The following FGF14 variants were observed in gnomAD, a reference collection of about 807,000 sequenced individuals.
FGF14 encodes the protein fibroblast growth factor homologous factor 4.
FGF14 carries 5 observed loss-of-function variants against 25.5 expected under a neutral mutation model. That is an observed-to-expected ratio of 0.20 (90% CI 0.10 to 0.41). The LOEUF (loss-of-function observed/expected upper bound fraction) is 0.41. FGF14 is among the 10% of genes least tolerant of loss of function. The pLI, the probability that FGF14 is intolerant of heterozygous loss-of-function variation, is 1.00. For synonymous variants in FGF14, 138 were observed against 118.3 expected, an observed-to-expected ratio of 1.17 and a Z score of -1.08; for missense variants, 222 against 320.1, an observed-to-expected ratio of 0.69 and a Z score of 2.34.
chr13:102,124,149 G>T (rs1347049456), intron 1 of FGF14, among the ~76,000 whole-genome samples: 1 of 152,104 alleles, frequency 6.6e-6, no homozygotes. Flanking sequence ...GTGCTATAAA[G>T]AGGGGAAAGA....
At chr13:102,311,238 A>T (rs2055750402) in intron 1 of FGF14, among the ~76,000 whole-genome samples, 1 of 152,126 alleles carries the variant, frequency 6.6e-6, no homozygotes, top group South Asian at 2.1e-4. Context: ...CTTTTCTAAG[A>T]GGGTCATGAA....
rs2036406098 is a variant in FGF14 at position 101,739,515 on chromosome 13, A to C, written c.409-12705T>G. Among the ~76,000 whole-genome samples the C allele has an allele frequency of 1.3e-5, 2 of 152,312 alleles. 1 individual carries two copies. The highest frequency in any genetic ancestry group is 6.8e-3 in the Middle Eastern group (2 of 294). On this transcript the variant is annotated intron_variant, in intron 3 of 4. Coordinates refer to ENST00000376143, the MANE Select transcript of FGF14 (RefSeq NM_004115.4). Reference sequence around the variant, plus strand: ...TGGTAAGGAAAAGCATTGAATTCTGAACTGAGATCTGAAACACCAGTATGA... The same window carrying C: ...TGGTAAGGAAAAGCATTGAATTCTGCACTGAGATCTGAAACACCAGTATGA...
chr13:102,137,729 A>G (rs1195970921), intron 1 of FGF14, among the ~76,000 whole-genome samples: 1 of 152,164 alleles, frequency 6.6e-6, no homozygotes, highest in Admixed American at 6.5e-5. Flanking sequence ...CTGATAACAC[A>G]AACCTTGTGA....
chr13:102,169,143 C>T (rs1478434623), intron 1 of FGF14, among the ~76,000 whole-genome samples: 1 of 151,224 alleles, frequency 6.6e-6, no homozygotes, highest in Non-Finnish European at 1.5e-5. Context: ...CTAGATTACA[C>T]TAAAGGGCCT....
At chr13:101,862,155 G>C (rs1346513791) in intron 3 of FGF14, among the ~76,000 whole-genome samples, 2 of 152,090 alleles carry the variant, frequency 1.3e-5, no homozygotes, top group Non-Finnish European at 2.9e-5. Flanking sequence ...TCAGGAGTCA[G>C]GTGGATTCCA....
intron 1 of FGF14, among the ~76,000 whole-genome samples, chr13:102,057,414 C>T (rs1477465081): frequency 6.6e-6 from 1 of 152,110 alleles, no homozygotes; most frequent in African/African-American, 2.4e-5. Flanking sequence ...GGAATATGGT[C>T]TCCATTTGCA....
At chr13:102,201,079 C>A (rs1179184217) in intron 1 of FGF14, among the ~76,000 whole-genome samples, 1 of 119,304 alleles carries the variant, frequency 8.4e-6, no homozygotes, top group Non-Finnish European at 1.6e-5. Context: ...CCAGCTTGGG[C>A]GACAGAGCGA....
Position 101,858,152 on chromosome 13 carries a change from C to T in FGF14, c.408+10573G>A, listed in dbSNP as rs1440362516. The stretch of plus-strand genomic sequence containing the variant: ...AGAAATACCCCATATCTGTTCAGAG[C>T]CCAGGGTTCTCACAGTGCCTGACAG... On this transcript the variant is annotated intron_variant, in intron 3 of 4. Transcript: ENST00000376143. Among the ~76,000 whole-genome samples the T allele has an allele frequency of 3.3e-5, 5 of 151,340 alleles. No individual in the cohort carries two copies. In the East Asian group the frequency reaches 9.7e-4, roughly 29 times the overall value.
intron 3 of FGF14, among the ~76,000 whole-genome samples, chr13:101,857,662 C>G (rs911535236): frequency 3.3e-5 from 5 of 151,976 alleles, no homozygotes; most frequent in African/African-American, 1.2e-4. Flanking sequence ...GCATGGAACT[C>G]ACATCTGTAG....
At position 101,720,487 on chromosome 13, in the gene FGF14, A is replaced by T. The variant is rs2034893822; in HGVS notation, c.*2344T>A. ...CTTGCAGGGGAAAAAGAAACCAGCAAGTAGGGCTAATTATCAGTAACAAAT... is the reference window on the plus strand; with the variant it reads ...CTTGCAGGGGAAAAAGAAACCAGCATGTAGGGCTAATTATCAGTAACAAAT... On this transcript the variant is annotated 3_prime_UTR_variant, in exon 5 of 5. Coordinates refer to ENST00000376143, the MANE Select transcript of FGF14 (RefSeq NM_004115.4). The T allele has an allele frequency of 6.6e-6, 1 of 151,796 alleles. No homozygotes were observed. Among genetic ancestry groups the T allele is most frequent in the African/African-American group, 2.4e-5 (1 of 41,288 alleles). 9.4% of individuals were successfully genotyped at this position (151,796 alleles called of 1,614,324 possible).
rs2140122992 is a variant in FGF14 at position 102,065,263 on chromosome 13, GTCAACT to G, written c.209-189973_209-189968del. 2.0e-5 allele frequency among the ~76,000 whole-genome samples: 3 copies of G among 152,158 alleles called. No homozygotes were observed. In the South Asian group the frequency reaches 6.2e-4, roughly 32 times the overall value. ...ATATATTACTGTAAGTGTTTATAAT[GTCAACT>G]TGTGGCTCAAAGCAAATCATTCATA... On this transcript the variant is annotated intron_variant, in intron 1 of 4. Transcript: ENST00000376131.
chr13:102,185,285 A>G (rs2048834390), intron 1 of FGF14, among the ~76,000 whole-genome samples: 1 of 152,160 alleles, frequency 6.6e-6, no homozygotes, highest in Admixed American at 6.6e-5. Flanking sequence ...TTTCTTTCAT[A>G]GTTCTGAGGC....
chr13:101,852,232 A>G (rs1163296717), intron 3 of FGF14, among the ~76,000 whole-genome samples: 1 of 152,106 alleles, frequency 6.6e-6, no homozygotes, highest in Admixed American at 6.6e-5. Flanking sequence ...TGTTCAAAGA[A>G]AAGCTGACGT....
chr13:102,045,361 C>T (rs989730951), intron 1 of FGF14, among the ~76,000 whole-genome samples: 16 of 151,900 alleles, frequency 1.1e-4, no homozygotes, highest in Non-Finnish European at 1.8e-4. Flanking sequence ...AACAGGAATG[C>T]TTGATCTCTT....
At chr13:102,234,220 G>A (rs7999436) in intron 1 of FGF14, among the ~76,000 whole-genome samples, 56,295 of 98,370 alleles carry the variant, frequency 0.57, 16,545 homozygotes, top group African/African-American at 0.8. Flanking sequence ...GGAAATATAC[G>A]CTTAAATGTG....
Position 101,715,543 on chromosome 13 carries a change from C to G in FGF14, c.*7288G>C. Reference sequence around the variant, plus strand: ...CACATTTTGATCATAATCATGATACCTATATGTATTTTATTGCAGGGAATG... The same window carrying G: ...CACATTTTGATCATAATCATGATACGTATATGTATTTTATTGCAGGGAATG... On this transcript the variant is annotated 3_prime_UTR_variant, in exon 5 of 5. Coordinates refer to ENST00000376143, the MANE Select transcript of FGF14 (RefSeq NM_004115.4). The G allele has an allele frequency of 6.5e-7, 1 of 1,534,746 alleles. No individual in the cohort carries two copies.
intron 1 of FGF14, among the ~76,000 whole-genome samples, chr13:102,377,499 G>T (rs570318498): frequency 6.6e-6 from 1 of 152,050 alleles, no homozygotes; most frequent in African/African-American, 2.4e-5. Context: ...AGAAAAGCAG[G>T]TATCTTAATA....
chr13:101,801,137 G>A (rs1372253174), intron 3 of FGF14, among the ~76,000 whole-genome samples: 1 of 152,140 alleles, frequency 6.6e-6, no homozygotes, highest in African/African-American at 2.4e-5. Flanking sequence ...TGTTATTGAT[G>A]CTAAATGAAT....
chr13:101,762,575 CTGAG>C (rs2038099950), intron 3 of FGF14, among the ~76,000 whole-genome samples: 1 of 152,122 alleles, frequency 6.6e-6, no homozygotes, highest in Non-Finnish European at 1.5e-5. Context: ...TGTTGTTGGT[CTGAG>C]TGATTATGTA....
Sources: allele counts gnomAD v4.1 joint callset (sites outside exome capture counted in the v4.1 genomes callset), GRCh38; gene constraint gnomAD v4.1.1; transcripts MANE v1.5; gene names NCBI Gene and HGNC (gene_info 2026-07-23, HGNC 2026-07-21).